The following PRG4 variants were observed in gnomAD, a reference collection of about 807,000 sequenced individuals.
PRG4 encodes articular superficial zone protein.
Under a neutral mutation model 91.2 loss-of-function variants are expected in PRG4, and 61 were observed. That is an observed-to-expected ratio of 0.67 (90% CI 0.54 to 0.83). The LOEUF (loss-of-function observed/expected upper bound fraction) is 0.83, where lower values mean the gene tolerates loss of function less well. Among genes scored for constraint, PRG4 ranks in the 40% least tolerant of loss-of-function variants. The probability of loss-of-function intolerance (pLI) is 0.00; values close to 1 mark genes in which losing one functional copy is unlikely to be tolerated. For missense variants in PRG4, 1,564 were observed against 1,714.2 expected, an observed-to-expected ratio of 0.91 and a Z score of 1.55; for synonymous variants, 576 against 614.2, an observed-to-expected ratio of 0.94 and a Z score of 0.92.
intron 9 of PRG4, 39 bp downstream of exon 9, chr1:186,311,209 T>C: frequency 1.3e-6 from 2 of 1,574,162 alleles, no homozygotes; most frequent in Non-Finnish European, 1.7e-6. Context: ...TTAATAATAA[T>C]TTGTAACTGC....
intron 1 of PRG4, among the ~76,000 whole-genome samples, chr1:186,296,622 A>T (rs1655875460): frequency 2.0e-5 from 3 of 152,214 alleles, no homozygotes; most frequent in African/African-American, 4.8e-5. Context: ...AAGAATTAAA[A>T]CTGTCAATAA....
rs1218858869 is a variant in PRG4, at chr1:186,301,493, T to C, written c.200-99T>C. 10 of 1,548,958 alleles carry C rather than the reference T, an allele frequency of 6.5e-6. No homozygotes were observed. The African/African-American group carries it at 8.2e-5, about 13-fold the overall frequency. On this transcript the variant is annotated intron_variant, in intron 3 of 12. Transcript: ENST00000445192. Reference sequence around the variant, plus strand: ...AAATAAAAGACTTAGAAATGAACTTTTGGAAACCTAGTCAAGTCTAAGGTG... The same window carrying C: ...AAATAAAAGACTTAGAAATGAACTTCTGGAAACCTAGTCAAGTCTAAGGTG...
At position 186,306,510 on chromosome 1, in the gene PRG4, T is replaced by G; in HGVS notation, c.791T>G (p.Leu264Arg). 1 of 1,613,278 alleles carries G rather than the reference T, an allele frequency of 6.2e-7. No individual in the cohort carries two copies. Among genetic ancestry groups the G allele is most frequent in the Non-Finnish European group, 8.5e-7 (1 of 1,179,400 alleles). ...AAACCAATAAATCCCAGACCCAGTC[T>G]TCCACCTAATTCTGATACATCTAAA... is the stretch of plus-strand genomic sequence containing the variant. ...TAKPINPRPSLPPNSDTSKET... is the reference protein window; with the variant it reads ...TAKPINPRPSRPPNSDTSKET... Residue 264 changes from leucine (L) to arginine (R), a missense_variant, in exon 7 of 13, where the codon CTT becomes CGT. Coordinates refer to ENST00000445192, the MANE Select transcript of PRG4 (RefSeq NM_005807.6).
intron 1 of PRG4, 56 bp from the exon 2 acceptor site, chr1:186,296,790 C>G (rs1379615745): frequency 3.3e-6 from 3 of 908,374 alleles, no homozygotes; most frequent in Non-Finnish European, 5.4e-6. Flanking sequence ...TAATGCAAGC[C>G]TAAGTTAGTG....
Position 186,309,050 on chromosome 1 carries a change from C to CA in PRG4, c.3331_3332insA (p.Pro1111HisfsTer7), listed in dbSNP as rs1557959972. The CA allele has an allele frequency of 1.1e-5, 18 of 1,613,818 alleles. No homozygotes were observed. The highest frequency in any genetic ancestry group is 1.4e-5 in the Non-Finnish European group (17 of 1,179,828). ...AGAAACACCTCATATGCTTCTCAGG[C>CA]CCCATGTGTTCATGCCTGAAGTTAC... is the stretch of plus-strand genomic sequence containing the variant. On this transcript the variant is annotated frameshift_variant, in exon 7 of 13. Coordinates refer to ENST00000445192, the MANE Select transcript of PRG4 (RefSeq NM_005807.6). LOFTEE classifies it high-confidence loss of function.
chr1:186,307,623 C>G lies in PRG4; in HGVS notation c.1904C>G (p.Thr635Ser). The change falls in exon 7 of 13, where the codon ACC (threonine) becomes AGC (serine). Residue 635 changes from threonine (T) to serine (S), a missense_variant. Thr to Ser is a moderately conservative substitution (Grantham distance 58). Transcript: ENST00000445192. ...TPTTPEKLAPTTPEKPAPTTP... is the reference protein window; with the variant it reads ...TPTTPEKLAPSTPEKPAPTTP... Reference sequence around the variant, plus strand: ...ACCACCCCCGAGAAGCTCGCACCCACCACCCCTGAGAAGCCCGCACCCACC... The same window carrying G: ...ACCACCCCCGAGAAGCTCGCACCCAGCACCCCTGAGAAGCCCGCACCCACC... 6.3e-7 allele frequency: 1 copy of G among 1,596,336 alleles called. No individual in the cohort carries two copies. The highest frequency in any genetic ancestry group is 8.5e-7 in the Non-Finnish European group (1 of 1,173,610).
rs770560504 is a variant in PRG4 at position 186,306,583 on chromosome 1, A to C, written c.864A>C (p.Glu288Asp). Residue 288 changes from glutamate (E) to aspartate (D), a missense_variant, in exon 7 of 13, where the codon GAA becomes GAC. Glu to Asp is a conservative substitution (Grantham distance 45). Around this residue, in one of 3 missense-constraint regions of PRG4, gnomAD observed 437 missense variants for 459.0 expected, o/e 0.95. Transcript: ENST00000445192. ...AAGAGACAACAGTTGAAACTAAAGAAACTACTACAACAAATAAACAGACTT... is the reference window on the plus strand; with the variant it reads ...AAGAGACAACAGTTGAAACTAAAGACACTACTACAACAAATAAACAGACTT... Reference protein sequence around the residue: ...VNKETTVETKETTTTNKQTST... With the variant: ...VNKETTVETKDTTTTNKQTST... 1 of 1,613,514 alleles carries C rather than the reference A, an allele frequency of 6.2e-7. No homozygotes were observed. The highest frequency in any genetic ancestry group is 2.2e-5 in the East Asian group (1 of 44,888).
At chr1:186,299,439 A>G (rs903468198) in intron 2 of PRG4, among the ~76,000 whole-genome samples, 6 of 152,218 alleles carry the variant, frequency 3.9e-5, no homozygotes, top group African/African-American at 1.4e-4. Context: ...ACAGGTGGAA[A>G]CATCTCAGGC....
chr1:186,302,866 T>C (rs1358658193), intron 4 of PRG4, among the ~76,000 whole-genome samples: 2 of 152,094 alleles, frequency 1.3e-5, no homozygotes, highest in Non-Finnish European at 2.9e-5. Flanking sequence ...TGAGAGAACA[T>C]TTTGATAAAG....
rs993154914 is a variant in PRG4, at chr1:186,298,193, C to T, written c.76+1242C>T. ...GTCTGGAGTTCAAGAGCAGCCTGGG[C>T]AACATGGCAAAATCTTGTCTCTATA... On this transcript the variant is annotated intron_variant, in intron 2 of 12. Transcript: ENST00000445192. 2.6e-5 allele frequency among the ~76,000 whole-genome samples: 4 copies of T among 152,078 alleles called. No homozygotes were observed. In the East Asian group the frequency reaches 7.7e-4, roughly 29 times the overall value.
rs1328664477 is a variant in PRG4, at chr1:186,314,451, T to C, written c.*673T>C. On this transcript the variant is annotated 3_prime_UTR_variant, in exon 13 of 13. Transcript: ENST00000445192. ...ACATATTTATTATATATCTAAGGTATACAAATCTGTCTACATGAAGTTTAC... is the reference window on the plus strand; with the variant it reads ...ACATATTTATTATATATCTAAGGTACACAAATCTGTCTACATGAAGTTTAC... 8.8e-6 allele frequency: 4 copies of C among 455,962 alleles called. No homozygotes were observed. Among genetic ancestry groups the C allele is most frequent in the South Asian group, 7.3e-5 (2 of 27,542 alleles). The allele number at this position is 455,962 out of a possible 1,614,324, so 28.2% of individuals were successfully genotyped here.
chr1:186,305,473 T>C (rs894374322), intron 6 of PRG4, among the ~76,000 whole-genome samples: 1 of 152,250 alleles, frequency 6.6e-6, no homozygotes, highest in Non-Finnish European at 1.5e-5. Flanking sequence ...TATTATTGCC[T>C]GAAAAGAGAT....
intron 2 of PRG4, 112 bp from the exon 3 acceptor site, chr1:186,299,979 C>A: frequency 1.5e-6 from 2 of 1,318,822 alleles, no homozygotes; most frequent in Non-Finnish European, 2.2e-6. Flanking sequence ...ATTCCAACAC[C>A]TTCTCGATCA....
rs1356468045 is a variant in PRG4, at chr1:186,308,865, C to T, written c.3146C>T (p.Thr1049Ile). The change falls in exon 7 of 13, where the codon ACA becomes ATA. Residue 1049 changes from threonine to isoleucine, a missense_variant. Physicochemically the swap from Thr to Ile is moderately conservative, Grantham distance 89. This residue lies in a region of PRG4 where 1,079 missense variants were observed against 1,162.2 expected (regional missense o/e 0.93). Coordinates refer to ENST00000445192, the MANE Select transcript of PRG4 (RefSeq NM_005807.6). Reference protein sequence around the residue: ...TMPRVRKPKTTPTPRKMTSTM... With the variant: ...TMPRVRKPKTIPTPRKMTSTM... ...CCTAGAGTGAGAAAACCAAAGACGA[C>T]ACCAACTCCCCGCAAGATGACATCA... The T allele has an allele frequency of 5.6e-6, 9 of 1,613,742 alleles. No individual in the cohort carries two copies. Among genetic ancestry groups the T allele is most frequent in the Non-Finnish European group, 6.8e-6 (8 of 1,179,962 alleles).
chr1:186,308,515 T>G lies in PRG4; in HGVS notation c.2796T>G (p.Thr932=). Reference sequence around the variant, plus strand: ...TACGTACTACACCTGAAACTACAACTGCTGCACCTAAGATGACAAAAGAGA... The same window carrying G: ...TACGTACTACACCTGAAACTACAACGGCTGCACCTAAGATGACAAAAGAGA... The part of the protein sequence containing the change: ...RDLRTTPETT[T]AAPKMTKETA... Residue 932 remains threonine (T), a synonymous_variant, in exon 7 of 13, where the codon ACT becomes ACG. Coordinates refer to ENST00000445192, the MANE Select transcript of PRG4 (RefSeq NM_005807.6). 1 of 1,613,690 alleles carries G rather than the reference T, an allele frequency of 6.2e-7. No homozygotes were observed. The highest frequency in any genetic ancestry group is 8.5e-7 in the Non-Finnish European group (1 of 1,180,012).
In PRG4 at chr1:186,307,644, C is replaced by T. The variant is rs1656803267; in HGVS notation, c.1925C>T (p.Pro642Leu). The stretch of plus-strand genomic sequence containing the variant: ...CCCACCACCCCTGAGAAGCCCGCAC[C>T]CACCACCCCTGAGGAGCTCGCACCC... ...LAPTTPEKPA[P>L]TTPEELAPTT... Residue 642 changes from proline (P) to leucine (L), a missense_variant, in exon 7 of 13, where the codon CCC (proline) becomes CTC (leucine). Physicochemically the swap from Pro to Leu is moderately conservative, Grantham distance 98. Coordinates refer to ENST00000445192, the MANE Select transcript of PRG4 (RefSeq NM_005807.6). 6.2e-7 allele frequency: 1 copy of T among 1,601,124 alleles called. No individual in the cohort carries two copies. The highest frequency in any genetic ancestry group is 1.7e-5 in the Admixed American group (1 of 58,244).
intron 4 of PRG4, among the ~76,000 whole-genome samples, 174 bp downstream of exon 4, chr1:186,301,885 T>C (rs549482009): frequency 5.3e-4 from 81 of 152,296 alleles, no homozygotes; most frequent in South Asian, 2.1e-3. Flanking sequence ...GAAAAGCGCC[T>C]TCCAACAGCA....
chr1:186,313,353 T>C, intron 12 of PRG4: 1 of 326,880 alleles, frequency 3.1e-6, no homozygotes, highest in Non-Finnish European at 5.7e-6. Context: ...TTTCATAATA[T>C]GAATGACATT....
chr1:186,312,354 C>T lies in PRG4; in HGVS notation c.3973C>T (p.Leu1325=), dbSNP rs1272121234. 5 of 1,608,214 alleles carry T rather than the reference C, an allele frequency of 3.1e-6. No homozygotes were observed. The highest frequency in any genetic ancestry group is 4.2e-6 in the Non-Finnish European group (5 of 1,178,142). The change falls in exon 11 of 13, where the codon CTG becomes TTG. Residue 1325 remains leucine, a synonymous_variant. Coordinates refer to ENST00000445192, the MANE Select transcript of PRG4 (RefSeq NM_005807.6). ...TIRIQYSPAR[L]AYQDKGVLHN... Reference sequence around the variant, plus strand: ...CAGAATTCAATATTCACCTGCCAGACTGGCTTATCAAGACAAAGGTAACAT... The same window carrying T: ...CAGAATTCAATATTCACCTGCCAGATTGGCTTATCAAGACAAAGGTAACAT...
Sources: gnomAD v4.1 joint callset for allele counts (sites outside exome capture counted in the v4.1 genomes callset) on GRCh38, gnomAD v4.1.1 for gene constraint, gnomAD v4.1.1 regional missense constraint, MANE v1.5 for transcripts, NCBI Gene and HGNC (gene_info 2026-07-23, HGNC 2026-07-21) for gene names.